The following HNF1B variants were observed in gnomAD, a reference collection of about 807,000 sequenced individuals.
HNF1B encodes the protein hepatocyte nuclear factor 1-beta.
A neutral mutation model predicts 61.7 loss-of-function variants in HNF1B; 8 were observed. That is an observed-to-expected ratio of 0.13 (90% CI 0.08 to 0.23). The LOEUF (loss-of-function observed/expected upper bound fraction) is 0.23, where lower values mean the gene tolerates loss of function less well. HNF1B is among the 10% of genes least tolerant of loss of function. The pLI is 1.00. For missense variants in HNF1B, 562 were observed against 714.5 expected (o/e 0.79, Z 2.43); for synonymous variants, 314 against 287.7 (o/e 1.09, Z -0.93).
intron 4 of HNF1B, among the ~76,000 whole-genome samples, chr17:37,726,508 A>G (rs573931875): frequency 6.6e-6 from 1 of 152,210 alleles, no homozygotes; most frequent in African/African-American, 2.4e-5. Flanking sequence ...CACTTTGGAG[A>G]TTTCCTCGTG....
rs919276742 is a variant in HNF1B, at chr17:37,715,883, G to A, written c.1046-5220C>T. ...ACGGTGGCTCATGCCTGTAATCCCAGCACTTTGGGAGGCCGAGGCAGGTGG... is the reference window on the plus strand; with the variant it reads ...ACGGTGGCTCATGCCTGTAATCCCAACACTTTGGGAGGCCGAGGCAGGTGG... On this transcript the variant is annotated intron_variant, in intron 4 of 8. Transcript: ENST00000617811. Among the ~76,000 whole-genome samples, 196 of 152,292 alleles carry A rather than the reference G, an allele frequency of 1.3e-3. 1 individual carries two copies. Among genetic ancestry groups the A allele is most frequent in the Non-Finnish European group, 1.6e-4 (11 of 68,030 alleles).
At chr17:37,687,470 G>A in intron 8 of HNF1B, 78 bp from the exon 9 acceptor site, 1 of 1,109,070 alleles carries the variant, frequency 9.0e-7, no homozygotes, top group Non-Finnish European at 1.4e-6. Context: ...CTTCTCTAAG[G>A]GAGATGATGC....
chr17:37,738,764 A>G (rs910986872), intron 2 of HNF1B, among the ~76,000 whole-genome samples: 2 of 152,342 alleles, frequency 1.3e-5, no homozygotes, highest in African/African-American at 4.8e-5. Flanking sequence ...GGGGATGACA[A>G]GAATTGATGG....
intron 8 of HNF1B, among the ~76,000 whole-genome samples, chr17:37,690,002 TGCACACAC>T (rs2032138595): frequency 1.9e-5 from 1 of 53,780 alleles, no homozygotes; most frequent in East Asian, 5.1e-4. Flanking sequence ...AACAAATGCG[TGCACACAC>T]ACACACACAC....
intron 5 of HNF1B, among the ~76,000 whole-genome samples, chr17:37,708,090 A>G (rs1219046837): frequency 6.6e-6 from 1 of 152,206 alleles, no homozygotes; most frequent in African/African-American, 2.4e-5. Flanking sequence ...AACTGAGGTT[A>G]AGCAATTTGT....
intron 6 of HNF1B, among the ~76,000 whole-genome samples, chr17:37,703,963 G>T (rs190100745): frequency 6.6e-6 from 1 of 152,310 alleles, no homozygotes; most frequent in East Asian, 1.9e-4. Context: ...ATGAGCCCTA[G>T]ATACAAGGAA....
At chr17:37,720,458 A>G (rs1325774188) in intron 4 of HNF1B, among the ~76,000 whole-genome samples, 1 of 152,012 alleles carries the variant, frequency 6.6e-6, no homozygotes, top group Non-Finnish European at 1.5e-5. Flanking sequence ...AATAGGGTTG[A>G]AGCTGGGTGA....
intron 2 of HNF1B, among the ~76,000 whole-genome samples, chr17:37,736,871 A>G (rs1437792314): frequency 3.9e-5 from 6 of 152,130 alleles, no homozygotes; most frequent in Non-Finnish European, 5.9e-5. Flanking sequence ...GCCTCTCCCA[A>G]TTTTTGAAGA....
chr17:37,703,576 T>C (rs564266189), intron 6 of HNF1B, among the ~76,000 whole-genome samples: 1 of 152,290 alleles, frequency 6.6e-6, no homozygotes, highest in South Asian at 2.1e-4. Context: ...TGGTTTTAGG[T>C]ATCTTATCTC....
At position 37,686,970 on chromosome 17, in the gene HNF1B, G is replaced by A; in HGVS notation, c.*402C>T. On this transcript the variant is annotated 3_prime_UTR_variant, in exon 9 of 9. Coordinates refer to ENST00000617811, the MANE Select transcript of HNF1B (RefSeq NM_000458.4). The stretch of plus-strand genomic sequence containing the variant: ...GAGGGAGTCTGTGGATATTTACAGT[G>A]TGTTTGGCTCAGTTCAATAGCACAT... 1 of 410,022 alleles carries A rather than the reference G, an allele frequency of 2.4e-6. No individual in the cohort carries two copies. Among genetic ancestry groups the A allele is most frequent in the Non-Finnish European group, 4.6e-6 (1 of 219,272 alleles). The allele number at this position is 410,022 out of a possible 1,614,324, so 25.4% of individuals were successfully genotyped here.
At chr17:37,696,319 C>T (rs2032383730) in intron 8 of HNF1B, among the ~76,000 whole-genome samples, 1 of 152,128 alleles carries the variant, frequency 6.6e-6, no homozygotes, top group African/African-American at 2.4e-5. Context: ...CGCCTGTAGT[C>T]TCAGCTACTC....
At chr17:37,693,150 A>G (rs2032263113) in intron 8 of HNF1B, among the ~76,000 whole-genome samples, 1 of 142,348 alleles carries the variant, frequency 7.0e-6, no homozygotes, top group African/African-American at 2.6e-5. Flanking sequence ...AGACCACACC[A>G]TTGCACTCCA....
chr17:37,718,601 T>G (rs116617450), intron 4 of HNF1B, among the ~76,000 whole-genome samples: 1,557 of 152,330 alleles, frequency 0.01, 31 homozygotes, highest in African/African-American at 0.035. Flanking sequence ...TCCCTCTTCC[T>G]CCTAAGCCCC....
chr17:37,707,421 A>G (rs185883252), intron 5 of HNF1B, among the ~76,000 whole-genome samples: 112 of 152,212 alleles, frequency 7.4e-4, no homozygotes, highest in African/African-American at 2.6e-3. Flanking sequence ...GGCTACAACC[A>G]TTACTTTCTA....
At chr17:37,739,742 T>C (rs958361155) in intron 1 of HNF1B, 103 bp from the exon 2 acceptor site, 1 of 1,116,354 alleles carries the variant, frequency 9.0e-7, no homozygotes, top group African/African-American at 1.5e-5. Flanking sequence ...AATTCTGAAT[T>C]TTCCCCCCAT....
chr17:37,694,057 C>G (rs1235911619), intron 8 of HNF1B, among the ~76,000 whole-genome samples: 1 of 152,220 alleles, frequency 6.6e-6, no homozygotes. Context: ...AGTTACCCAG[C>G]CTCAGGTATT....
chr17:37,702,490 A>G (rs187031405), intron 6 of HNF1B, among the ~76,000 whole-genome samples: 51 of 152,244 alleles, frequency 3.3e-4, no homozygotes, highest in African/African-American at 1.2e-3. Context: ...GCGTCTCCTC[A>G]AGCCAGCATC....
At chr17:37,700,338 G>C (rs1478294718) in intron 7 of HNF1B, among the ~76,000 whole-genome samples, 1 of 152,346 alleles carries the variant, frequency 6.6e-6, no homozygotes, top group East Asian at 1.9e-4. Flanking sequence ...TGGTCGAAAG[G>C]TAGGCTTGGG....
chr17:37,731,267 G>C, intron 4 of HNF1B: 2 of 490,562 alleles, frequency 4.1e-6, no homozygotes, highest in South Asian at 4.5e-5. Flanking sequence ...GTTTGGATCT[G>C]GCCCACCCAT....
Sources: gnomAD v4.1 joint callset for allele counts (sites outside exome capture counted in the v4.1 genomes callset) on GRCh38, gnomAD v4.1.1 for gene constraint, MANE v1.5 for transcripts, NCBI Gene and HGNC (gene_info 2026-07-23, HGNC 2026-07-21) for gene names.